NCKAP5: variants seen among roughly 807,000 people sequenced by gnomAD.
NCKAP5 encodes the protein nck-associated protein 5.
In NCKAP5, 92 loss-of-function variants were observed where a neutral mutation model predicts 167.0. The observed-to-expected ratio is 0.55, with a 90% CI of 0.47 to 0.66. The LOEUF is 0.66. Among genes scored for constraint, NCKAP5 ranks in the 30% least tolerant of loss-of-function variants. The pLI is 0.00. For missense variants in NCKAP5, 2,378 were observed against 2,315.0 expected (o/e 1.03, Z -0.56); for synonymous variants, 891 against 877.4 (o/e 1.02, Z -0.27).
At chr2:133,086,918 T>C (rs2149615146) in intron 6 of NCKAP5, among the ~76,000 whole-genome samples, 1 of 152,272 alleles carries the variant, frequency 6.6e-6, no homozygotes, top group African/African-American at 2.4e-5. Flanking sequence ...TACAGGTATA[T>C]ACTTGCCAAA....
chr2:133,410,702 G>T (rs1476448429), intron 3 of NCKAP5, among the ~76,000 whole-genome samples: 4 of 152,082 alleles, frequency 2.6e-5, no homozygotes, highest in Non-Finnish European at 4.4e-5. Context: ...AAATTCAGGG[G>T]GTGAAGTCCA....
At chr2:132,977,081 T>C (rs189663775) in intron 7 of NCKAP5, among the ~76,000 whole-genome samples, 10 of 152,306 alleles carry the variant, frequency 6.6e-5, no homozygotes, top group Admixed American at 5.2e-4. Flanking sequence ...AAGTAGATAC[T>C]GTATGCAATT....
At chr2:133,596,819 A>G in the NCKAP5 span, among the ~76,000 whole-genome samples, 1 of 152,194 alleles carries the variant, frequency 6.6e-6, no homozygotes, top group Non-Finnish European at 1.5e-5. Context: ...GGGACTGGAG[A>G]AGCATGCAGG....
chr2:133,487,839 C>G (rs1681050060), intron 3 of NCKAP5, among the ~76,000 whole-genome samples: 1 of 152,180 alleles, frequency 6.6e-6, no homozygotes, highest in African/African-American at 2.4e-5. Flanking sequence ...CCACGACCAC[C>G]AAATTTCCCC....
chr2:133,275,914 G>A (rs142290822), intron 4 of NCKAP5, among the ~76,000 whole-genome samples: 11 of 151,858 alleles, frequency 7.2e-5, no homozygotes, highest in Non-Finnish European at 1.3e-4. Context: ...AGTATGAGCT[G>A]TGCAGATCTA....
At chr2:133,269,875 G>A (rs1028756275) in intron 4 of NCKAP5, among the ~76,000 whole-genome samples, 1 of 152,180 alleles carries the variant, frequency 6.6e-6, no homozygotes, top group Admixed American at 6.5e-5. Flanking sequence ...AGAATTGGTG[G>A]TGATTTTGAA....
chr2:133,630,759 A>G, the NCKAP5 span, among the ~76,000 whole-genome samples: 1 of 152,178 alleles, frequency 6.6e-6, no homozygotes, highest in East Asian at 1.9e-4. Flanking sequence ...CATGGGAGTT[A>G]GGCCATCCCA....
At chr2:133,633,621 T>C in the NCKAP5 span, among the ~76,000 whole-genome samples, 1 of 152,164 alleles carries the variant, frequency 6.6e-6, no homozygotes, top group East Asian at 1.9e-4. Context: ...GCCAAACAGT[T>C]TGCATCTAAT....
At chr2:133,401,478 TG>T (rs1224856961) in intron 3 of NCKAP5, among the ~76,000 whole-genome samples, 1 of 152,118 alleles carries the variant, frequency 6.6e-6, no homozygotes, top group African/African-American at 2.4e-5. Context: ...GCACTTGAAA[TG>T]GGGGCAGTCT....
At chr2:133,545,603 A>C (rs1011328870) in intron 2 of NCKAP5, among the ~76,000 whole-genome samples, 7 of 152,056 alleles carry the variant, frequency 4.6e-5, no homozygotes, top group African/African-American at 1.7e-4. Flanking sequence ...TGGTTACCGC[A>C]CCTAGCACCC....
chr2:133,291,592 A>T (rs1165492459), intron 4 of NCKAP5, among the ~76,000 whole-genome samples: 1 of 152,194 alleles, frequency 6.6e-6, no homozygotes, highest in Non-Finnish European at 1.5e-5. Context: ...AACGTCTAGA[A>T]TAACTGCCAC....
At chr2:132,943,427 A>G (rs940597913) in intron 8 of NCKAP5, among the ~76,000 whole-genome samples, 2 of 152,222 alleles carry the variant, frequency 1.3e-5, no homozygotes, top group Non-Finnish European at 2.9e-5. Flanking sequence ...CTAGTAAATC[A>G]CCAGTTGGCA....
chr2:133,624,032 T>C, the NCKAP5 span, among the ~76,000 whole-genome samples: 1 of 151,956 alleles, frequency 6.6e-6, no homozygotes, highest in Non-Finnish European at 1.5e-5. Context: ...AACTCAGAAG[T>C]GGAAAACCAA....
chr2:132,818,026 C>T (rs377295546), intron 11 of NCKAP5, among the ~76,000 whole-genome samples: 8 of 152,208 alleles, frequency 5.3e-5, no homozygotes, highest in East Asian at 1.9e-4. Flanking sequence ...TGGCTCACTG[C>T]GGCCTCCACC....
At chr2:133,023,069 C>T (rs1217992477) in intron 6 of NCKAP5, among the ~76,000 whole-genome samples, 3 of 152,172 alleles carry the variant, frequency 2.0e-5, no homozygotes, top group African/African-American at 7.2e-5. Context: ...GCAGCCCACA[C>T]CTTCAGCTAA....
chr2:133,199,230 C>A (rs1212455204), intron 5 of NCKAP5, among the ~76,000 whole-genome samples: 2 of 151,214 alleles, frequency 1.3e-5, no homozygotes, highest in Non-Finnish European at 2.9e-5. Context: ...AAAGCATAAA[C>A]TAGAAAAATA....
intron 6 of NCKAP5, among the ~76,000 whole-genome samples, chr2:133,051,181 C>T (rs1469235665): frequency 1.3e-5 from 2 of 152,104 alleles, no homozygotes; most frequent in African/African-American, 4.8e-5. Context: ...CCTAATTATT[C>T]CCTCTGTGTG....
chr2:132,785,206 T>C lies in NCKAP5; in HGVS notation c.1605A>G (p.Glu535=). The C allele has an allele frequency of 6.4e-7, 1 of 1,574,408 alleles. No homozygotes were observed. Among genetic ancestry groups the C allele is most frequent in the Non-Finnish European group, 8.6e-7 (1 of 1,162,432 alleles). Residue 535 remains glutamate (E), a synonymous_variant, in exon 14 of 20, where the codon GAA becomes GAG. Coordinates refer to ENST00000409261, the MANE Select transcript of NCKAP5 (RefSeq NM_207363.3). The stretch of plus-strand genomic sequence containing the variant: ...AGCTGCTGGCGCAACTTGTCAGCTT[T>C]TCAGGCCTTTCCTTGGGATAAACTG... ...TSSVYPKERP[E]KLTSCASSCP...
chr2:132,776,977 C>T (rs77351580), intron 15 of NCKAP5, among the ~76,000 whole-genome samples: 1,566 of 152,234 alleles, frequency 0.01, 29 homozygotes, highest in Non-Finnish European at 0.012. Flanking sequence ...GTCTGCCAAA[C>T]GTTTGGTTCA....
Sources: gnomAD v4.1 joint callset for allele counts (sites outside exome capture counted in the v4.1 genomes callset) on GRCh38, gnomAD v4.1.1 for gene constraint, MANE v1.5 for transcripts, NCBI Gene and HGNC (gene_info 2026-07-23, HGNC 2026-07-21) for gene names.